The following MAP4 variants were observed in gnomAD, a reference collection of about 807,000 sequenced individuals.
MAP4 encodes microtubule associated protein 4.
Under a neutral mutation model 170.2 loss-of-function variants are expected in MAP4, and 76 were observed. The observed-to-expected ratio is 0.45, with a 90% CI of 0.37 to 0.54. The LOEUF (loss-of-function observed/expected upper bound fraction) is 0.54. MAP4 is among the 20% of genes least tolerant of loss of function. MAP4 has a pLI of 0.00. For missense variants in MAP4, 2,506 were observed against 2,748.0 expected (o/e 0.91, Z 1.97); for synonymous variants, 909 against 994.5 (o/e 0.91, Z 1.62).
intron 4 of MAP4, among the ~76,000 whole-genome samples, chr3:47,922,659 T>C (rs1378008987): frequency 2.0e-5 from 3 of 152,022 alleles, no homozygotes; most frequent in Non-Finnish European, 2.9e-5. Context: ...AGATAAACAA[T>C]TGTTATCCTA....
intron 1 of MAP4, among the ~76,000 whole-genome samples, chr3:48,032,306 C>A (rs1308535657): frequency 4.0e-5 from 6 of 151,780 alleles, no homozygotes; most frequent in Non-Finnish European, 7.4e-5. Context: ...AGCGGCCTGG[C>A]CAACATGGTG....
chr3:48,007,253 T>C (rs2100102845), intron 1 of MAP4, among the ~76,000 whole-genome samples: 1 of 152,226 alleles, frequency 6.6e-6, no homozygotes, highest in Admixed American at 6.5e-5. Flanking sequence ...GTAAAATTTC[T>C]AGGGATCTAG....
At position 47,898,987 on chromosome 3, in the gene MAP4, T is replaced by C. The variant is rs2100028569; in HGVS notation, c.5434+3963A>G. On this transcript the variant is annotated intron_variant, in intron 10 of 20. Coordinates refer to ENST00000683076, the MANE Select transcript of MAP4 (RefSeq NM_001385682.1). ...AAACAAAACAACCCACAGAACACCCTGAGAATGGCCAGTTCAGTACTCCAG... is the reference window on the plus strand; with the variant it reads ...AAACAAAACAACCCACAGAACACCCCGAGAATGGCCAGTTCAGTACTCCAG... Among the ~76,000 whole-genome samples the C allele has an allele frequency of 2.0e-5, 3 of 152,010 alleles. No individual in the cohort carries two copies. In the South Asian group the frequency reaches 6.2e-4, roughly 32 times the overall value.
intron 1 of MAP4, among the ~76,000 whole-genome samples, chr3:48,076,481 G>A (rs1381948075): frequency 1.4e-5 from 2 of 147,674 alleles, no homozygotes; most frequent in Admixed American, 1.4e-4. Flanking sequence ...CAGCCTGGGT[G>A]ACAGAACGAG....
chr3:48,055,419 C>T (rs1290849679), intron 1 of MAP4, among the ~76,000 whole-genome samples: 10 of 151,028 alleles, frequency 6.6e-5, no homozygotes, highest in South Asian at 2.1e-4. Context: ...TTGGCCGGGC[C>T]GGTCTCCAGC....
intron 10 of MAP4, among the ~76,000 whole-genome samples, chr3:47,882,770 A>G (rs2096960235): frequency 6.6e-6 from 1 of 151,746 alleles, no homozygotes; most frequent in Admixed American, 6.6e-5. Flanking sequence ...ACCTACTGGA[A>G]CCTTACTTCC....
intron 3 of MAP4, among the ~76,000 whole-genome samples, chr3:47,954,494 G>A (rs181622615): frequency 1.1e-4 from 16 of 152,256 alleles, no homozygotes; most frequent in Admixed American, 9.8e-4. Flanking sequence ...GTAAAAACCT[G>A]ACTAGAAAAG....
At chr3:47,914,422 C>T (rs1474274262) in intron 8 of MAP4, among the ~76,000 whole-genome samples, 6 of 151,790 alleles carry the variant, frequency 4.0e-5, no homozygotes, top group Non-Finnish European at 7.4e-5. Flanking sequence ...TGGTGGCAGG[C>T]GCCTGTAATC....
intron 1 of MAP4, among the ~76,000 whole-genome samples, chr3:48,036,191 A>C (rs1229142707): frequency 6.6e-6 from 1 of 152,198 alleles, no homozygotes; most frequent in Non-Finnish European, 1.5e-5. Flanking sequence ...AGCTCTATGC[A>C]AAGCAAAATG....
At chr3:48,009,703 A>G (rs2100104257) in intron 1 of MAP4, among the ~76,000 whole-genome samples, 1 of 152,200 alleles carries the variant, frequency 6.6e-6, no homozygotes, top group Admixed American at 6.5e-5. Context: ...TCCCATAGCC[A>G]GGATTCACAG....
At chr3:48,065,256 A>G (rs1423142027) in intron 1 of MAP4, among the ~76,000 whole-genome samples, 1 of 152,214 alleles carries the variant, frequency 6.6e-6, no homozygotes, top group African/African-American at 2.4e-5. Context: ...CTCACATCTC[A>G]AACATAGCAA....
intron 10 of MAP4, chr3:47,891,833 A>C (rs1034196252): frequency 7.2e-6 from 11 of 1,536,232 alleles, no homozygotes; most frequent in Non-Finnish European, 9.6e-6. Flanking sequence ...GTTATCATTT[A>C]CCACCCCAAT....
At chr3:48,085,659 T>C (rs1024488621) in intron 1 of MAP4, among the ~76,000 whole-genome samples, 11 of 152,192 alleles carry the variant, frequency 7.2e-5, no homozygotes, top group African/African-American at 2.7e-4. Context: ...TGATGGCTCA[T>C]GCCTGTAATC....
At chr3:47,892,533 T>G (rs1292959855) in intron 10 of MAP4, 1 of 1,477,884 alleles carries the variant, frequency 6.8e-7, no homozygotes, top group Admixed American at 2.3e-5. Flanking sequence ...CTCCTGGAGC[T>G]CTAATACCAC....
rs111656888 is a variant in MAP4, at chr3:48,010,870, A to G, written c.-20+5464T>C. Among the ~76,000 whole-genome samples the G allele has an allele frequency of 7.0e-3, 1,061 of 152,302 alleles. 3 individuals carry two copies. Among genetic ancestry groups the G allele is most frequent in the Non-Finnish European group, 0.01 (681 of 68,014 alleles). ...TGCTGGATGCTTCCTGCCCTCGAAC[A>G]TCGGACTCCAAGTTCTTCATTTTGG... On this transcript the variant is annotated intron_variant, in intron 1 of 20. Coordinates refer to ENST00000683076, the MANE Select transcript of MAP4 (RefSeq NM_001385682.1).
intron 2 of MAP4, among the ~76,000 whole-genome samples, chr3:47,980,048 C>T (rs1037686184): frequency 1.3e-5 from 2 of 151,814 alleles, no homozygotes; most frequent in African/African-American, 4.8e-5. Context: ...TCCCAGACTG[C>T]TCTCAAACTC....
chr3:48,069,880 T>C (rs540762798), intron 1 of MAP4, among the ~76,000 whole-genome samples: 30 of 152,314 alleles, frequency 2.0e-4, no homozygotes, highest in African/African-American at 7.0e-4. Flanking sequence ...TATATGACCA[T>C]GCAATACTGA....
At chr3:48,040,834 T>A (rs2100121272) in intron 1 of MAP4, among the ~76,000 whole-genome samples, 2 of 152,144 alleles carry the variant, frequency 1.3e-5, no homozygotes, top group African/African-American at 4.8e-5. Context: ...GTGCTGGGAT[T>A]AAAGGCGTGC....
At chr3:47,951,862 G>C (rs1302679163) in intron 3 of MAP4, among the ~76,000 whole-genome samples, 1 of 150,858 alleles carries the variant, frequency 6.6e-6, no homozygotes, top group African/African-American at 2.4e-5. Flanking sequence ...TCTGGAAAGT[G>C]AGGAGCGTCT....
Sources: gnomAD v4.1 joint callset for allele counts (sites outside exome capture counted in the v4.1 genomes callset) on GRCh38, gnomAD v4.1.1 for gene constraint, MANE v1.5 for transcripts, NCBI Gene and HGNC (gene_info 2026-07-23, HGNC 2026-07-21) for gene names.